The following MARCHF1 variants were observed in gnomAD, a reference collection of about 807,000 sequenced individuals.
The protein encoded by MARCHF1 is membrane associated ring-CH-type finger 1, also known as E3 ubiquitin-protein ligase MARCHF1.
In MARCHF1, 40 loss-of-function variants were observed where a neutral mutation model predicts 54.2. The ratio of observed to expected loss-of-function variants is 0.74; its 90% confidence interval spans 0.57 to 0.96. MARCHF1 has a LOEUF of 0.96. Among genes scored for constraint, MARCHF1 ranks in the 40% least tolerant of loss-of-function variants. The pLI is 0.00. For synonymous variants in MARCHF1, 236 were observed against 236.3 expected, an observed-to-expected ratio of 1.00 and a Z score of 0.01; for missense variants, 586 against 656.5, an observed-to-expected ratio of 0.89 and a Z score of 1.17.
chr4:164,243,338 A>G (rs1286972949), intron 1 of MARCHF1, among the ~76,000 whole-genome samples: 60 of 145,416 alleles, frequency 4.1e-4, no homozygotes, highest in Non-Finnish European at 7.4e-4. Flanking sequence ...ATTCTTAAAG[A>G]AAAGAATTTT....
At chr4:164,191,966 C>T (rs1731135708) in intron 1 of MARCHF1, among the ~76,000 whole-genome samples, 1 of 152,138 alleles carries the variant, frequency 6.6e-6, no homozygotes, top group South Asian at 2.1e-4. Context: ...GAAACTAGTA[C>T]TAGAACACGA....
chr4:164,274,842 A>G (rs2111319779), intron 1 of MARCHF1, among the ~76,000 whole-genome samples: 1 of 150,768 alleles, frequency 6.6e-6, no homozygotes, highest in East Asian at 2.0e-4. Context: ...ATGCCCTGCT[A>G]ATTTTTTGTA....
intron 1 of MARCHF1, among the ~76,000 whole-genome samples, chr4:164,178,226 T>A (rs1730741086): frequency 6.6e-6 from 1 of 152,200 alleles, no homozygotes. Context: ...CTGTGTACTG[T>A]CTTGTTAGGA....
At chr4:164,145,165 T>C (rs1441306895) in intron 1 of MARCHF1, among the ~76,000 whole-genome samples, 2 of 151,428 alleles carry the variant, frequency 1.3e-5, no homozygotes, top group Non-Finnish European at 2.9e-5. Context: ...GGAGCTGAAA[T>C]TGTGGCAATA....
chr4:163,834,374 A>G (rs1437658426), intron 4 of MARCHF1, among the ~76,000 whole-genome samples: 1 of 152,206 alleles, frequency 6.6e-6, no homozygotes, highest in African/African-American at 2.4e-5. Context: ...AAGGACATAC[A>G]TAATTTATTA....
intron 1 of MARCHF1, among the ~76,000 whole-genome samples, chr4:164,312,193 A>T (rs922581088): frequency 5.3e-5 from 8 of 152,212 alleles, no homozygotes; most frequent in African/African-American, 1.2e-4. Context: ...TACAGAGAAC[A>T]GATATCCCAG....
chr4:163,697,749 C>T (rs1468214934), intron 5 of MARCHF1, among the ~76,000 whole-genome samples: 5 of 152,092 alleles, frequency 3.3e-5, no homozygotes, highest in African/African-American at 4.8e-5. Context: ...AATACTATTA[C>T]TGACATAAGA....
chr4:163,907,494 A>G (rs1225141426), intron 3 of MARCHF1, among the ~76,000 whole-genome samples: 1 of 152,142 alleles, frequency 6.6e-6, no homozygotes, highest in Non-Finnish European at 1.5e-5. Context: ...GGCCCCATGT[A>G]AACAAAGTAG....
At chr4:164,119,623 T>G (rs906031218) in intron 1 of MARCHF1, among the ~76,000 whole-genome samples, 2 of 151,620 alleles carry the variant, frequency 1.3e-5, no homozygotes, top group Non-Finnish European at 3.0e-5. Flanking sequence ...AATAAATAAA[T>G]CAAAATGACA....
chr4:163,633,485 G>A (rs1229871877), intron 5 of MARCHF1, among the ~76,000 whole-genome samples: 4 of 152,180 alleles, frequency 2.6e-5, no homozygotes, highest in Non-Finnish European at 5.9e-5. Flanking sequence ...CAACTGCAAG[G>A]AAAGGTATCA....
chr4:163,836,438 G>T, intron 4 of MARCHF1, among the ~76,000 whole-genome samples: 1 of 143,236 alleles, frequency 7.0e-6, no homozygotes, highest in Non-Finnish European at 1.5e-5. Flanking sequence ...GTAGAGACGG[G>T]GTTTCACCAT....
intron 1 of MARCHF1, among the ~76,000 whole-genome samples, chr4:164,182,132 T>G (rs933982756): frequency 1.1e-4 from 17 of 152,100 alleles, no homozygotes; most frequent in African/African-American, 4.1e-4. Flanking sequence ...TATGAAACAC[T>G]AATAGGTTTT....
chr4:163,547,571 A>G (rs1194239585), intron 8 of MARCHF1, among the ~76,000 whole-genome samples: 1 of 152,218 alleles, frequency 6.6e-6, no homozygotes, highest in Admixed American at 6.5e-5. Flanking sequence ...CCAATCAGCA[A>G]CAGCTTGCCT....
At chr4:163,925,601 G>C (rs1751520280) in intron 3 of MARCHF1, among the ~76,000 whole-genome samples, 1 of 151,742 alleles carries the variant, frequency 6.6e-6, no homozygotes. Flanking sequence ...CGTGTTACCA[G>C]TTAAAAGAAA....
intron 4 of MARCHF1, among the ~76,000 whole-genome samples, chr4:163,827,245 T>C (rs2111079221): frequency 6.6e-6 from 1 of 152,222 alleles, no homozygotes; most frequent in Non-Finnish European, 1.5e-5. Flanking sequence ...TTTAGTTGCC[T>C]TTCAATCATC....
At chr4:163,530,552 T>G (rs1479732260) in intron 9 of MARCHF1, 1 of 151,938 alleles carries the variant, frequency 6.6e-6, no homozygotes, top group African/African-American at 2.4e-5. Context: ...CTTTGAAATT[T>G]TTGGGGAAAA....
chr4:164,221,286 T>C (rs932518444), intron 1 of MARCHF1, among the ~76,000 whole-genome samples: 2 of 151,920 alleles, frequency 1.3e-5, no homozygotes, highest in African/African-American at 4.8e-5. Flanking sequence ...GTCCCAGTGT[T>C]CAAAACATTA....
intron 1 of MARCHF1, among the ~76,000 whole-genome samples, chr4:164,303,373 G>A (rs1279318443): frequency 1.3e-5 from 2 of 152,154 alleles, no homozygotes; most frequent in Admixed American, 6.5e-5. Flanking sequence ...CATTTGTGGT[G>A]GGGAAGAACA....
At chr4:163,812,130 C>T in intron 4 of MARCHF1, among the ~76,000 whole-genome samples, 1 of 152,032 alleles carries the variant, frequency 6.6e-6, no homozygotes, top group East Asian at 1.9e-4. Flanking sequence ...GGGATCTACA[C>T]CATCAATATG....
Sources: gnomAD v4.1 joint callset for allele counts (sites outside exome capture counted in the v4.1 genomes callset) on GRCh38, gnomAD v4.1.1 for gene constraint, MANE v1.5 for transcripts, NCBI Gene and HGNC (gene_info 2026-07-23, HGNC 2026-07-21) for gene names.